FRMPD4: variants seen among roughly 807,000 people sequenced by gnomAD.
FRMPD4 encodes the protein FERM and PDZ domain-containing protein 4.
A neutral mutation model predicts 94.1 loss-of-function variants in FRMPD4; 22 were observed. The ratio of observed to expected loss-of-function variants is 0.23; its 90% CI spans 0.17 to 0.33. The LOEUF is 0.33. Among genes scored for constraint, FRMPD4 ranks in the 10% least tolerant of loss-of-function variants. The pLI is 1.00. For synonymous variants in FRMPD4, 631 were observed against 548.6 expected (o/e 1.15, Z -2.10); for missense variants, 1,111 against 1,339.9 (o/e 0.83, Z 2.67).
At chrX:12,698,192 A>C (rs1379399448) in intron 9 of FRMPD4, among the ~76,000 whole-genome samples, 1 of 112,227 alleles carries the variant, frequency 8.9e-6, no homozygotes, top group Non-Finnish European at 1.9e-5. Flanking sequence ...GACTAGATGA[A>C]TCATGAAAAC....
chrX:12,530,908 G>A (rs2058278710), intron 2 of FRMPD4, among the ~76,000 whole-genome samples: 1 of 111,526 alleles, frequency 9.0e-6, no homozygotes, highest in Non-Finnish European at 1.9e-5. Flanking sequence ...TGAGTCAGTG[G>A]GTGGTTAGAT....
chrX:12,041,975 G>A lies in FRMPD4; in HGVS notation c.95+163957G>A, dbSNP rs6639133. 6.3e-5 allele frequency among the ~76,000 whole-genome samples: 7 copies of A among 111,583 alleles called. No homozygotes were observed. The South Asian group carries it at 1.5e-3, about 24-fold the overall frequency. On this transcript the variant is annotated intron_variant, in intron 3 of 18. Transcript: ENST00000640291. Reference sequence around the variant, plus strand: ...TGGACTTTTCTCCTCTAGAATTTCAGTTTGGATGACTGGGTGTATGGCTCA... The same window carrying A: ...TGGACTTTTCTCCTCTAGAATTTCAATTTGGATGACTGGGTGTATGGCTCA...
At chrX:12,634,158 G>A (rs1345054148) in intron 4 of FRMPD4, among the ~76,000 whole-genome samples, 1 of 112,107 alleles carries the variant, frequency 8.9e-6, no homozygotes, top group African/African-American at 3.2e-5. Context: ...AAAGAACCTG[G>A]AAAACAAAAG....
intron 1 of FRMPD4, among the ~76,000 whole-genome samples, chrX:12,453,083 G>A (rs73192445): frequency 0.12 from 13,409 of 111,924 alleles, 690 homozygotes; most frequent in East Asian, 0.18. Flanking sequence ...TTACTTAGAG[G>A]CAAGTAGTAT....
intron 1 of FRMPD4, among the ~76,000 whole-genome samples, chrX:12,246,808 C>T (rs1292512538): frequency 9.0e-6 from 1 of 110,774 alleles, no homozygotes; most frequent in East Asian, 2.8e-4. Flanking sequence ...ACTCACTTTC[C>T]ATTAACGTGA....
At chrX:12,420,258 A>G (rs1223275643) in intron 1 of FRMPD4, among the ~76,000 whole-genome samples, 1 of 111,729 alleles carries the variant, frequency 9.0e-6, no homozygotes, top group Non-Finnish European at 1.9e-5. Context: ...GCTCTGTGTC[A>G]TCAGTGTCCT....
At chrX:12,549,747 A>C (rs985179631) in intron 2 of FRMPD4, among the ~76,000 whole-genome samples, 6 of 112,391 alleles carry the variant, frequency 5.3e-5, no homozygotes, top group Admixed American at 9.5e-5. Context: ...CTAGTCTAAC[A>C]AAAGCTCTGT....
intron 3 of FRMPD4, among the ~76,000 whole-genome samples, chrX:12,051,200 T>C (rs1453257424): frequency 1.8e-5 from 2 of 112,010 alleles, no homozygotes; most frequent in African/African-American, 6.5e-5. Context: ...TTCAGAATAA[T>C]GCAACTTTAG....
chrX:12,613,604 G>T (rs2059204608), intron 3 of FRMPD4, among the ~76,000 whole-genome samples: 1 of 112,408 alleles, frequency 8.9e-6, no homozygotes, highest in Non-Finnish European at 1.9e-5. Context: ...CCAGCATTTT[G>T]GGAGGCTGAG....
At chrX:11,868,490 G>T (rs2053735795) in intron 2 of FRMPD4, among the ~76,000 whole-genome samples, 1 of 111,471 alleles carries the variant, frequency 9.0e-6, no homozygotes, top group South Asian at 3.8e-4. Context: ...TCTACAAAAT[G>T]TTGGGTCCTG....
chrX:12,529,409 T>C lies in FRMPD4; in HGVS notation c.158+30613T>C, dbSNP rs369592334. ...AATCATAGAAGTGATATCTCCCCAA[T>C]GTTGCCATATTCTGTTAGTTAGAAG... On this transcript the variant is annotated intron_variant, in intron 2 of 16. Transcript: ENST00000675598. 2.0e-3 allele frequency among the ~76,000 whole-genome samples: 230 copies of C among 112,878 alleles called. 8 individuals are homozygous for C. In the South Asian group the frequency reaches 0.083, roughly 41 times the overall value.
intron 3 of FRMPD4, among the ~76,000 whole-genome samples, chrX:11,908,164 C>T (rs893209530): frequency 1.1e-4 from 12 of 111,893 alleles, no homozygotes; most frequent in Non-Finnish European, 3.8e-5. Context: ...CTGACTGCTC[C>T]GTGTGTAGGT....
At chrX:12,167,056 G>A (rs772876869) in intron 1 of FRMPD4, among the ~76,000 whole-genome samples, 42 of 111,418 alleles carry the variant, frequency 3.8e-4, no homozygotes, top group African/African-American at 1.3e-3. Context: ...ATTTCCTTCA[G>A]TTCTGCTCTG....
At chrX:12,230,544 G>A (rs1435871541) in intron 1 of FRMPD4, among the ~76,000 whole-genome samples, 2 of 110,070 alleles carry the variant, frequency 1.8e-5, no homozygotes, top group African/African-American at 6.6e-5. Flanking sequence ...ATAGCAAATT[G>A]AACCTTTCTC....
intron 1 of FRMPD4, among the ~76,000 whole-genome samples, chrX:11,851,568 T>C (rs1297443891): frequency 9.0e-6 from 1 of 111,551 alleles, no homozygotes. Context: ...TAGTTGACAC[T>C]TGGCTTTATC....
chrX:11,966,149 A>G (rs759624660), intron 3 of FRMPD4, among the ~76,000 whole-genome samples: 13 of 111,758 alleles, frequency 1.2e-4, no homozygotes, highest in African/African-American at 4.2e-4. Context: ...CCATGGAAAC[A>G]TATTTGCATC....
chrX:12,436,980 A>C (rs191000998), intron 1 of FRMPD4, among the ~76,000 whole-genome samples: 4 of 112,172 alleles, frequency 3.6e-5, no homozygotes, highest in Non-Finnish European at 7.5e-5. Context: ...CTTTTAGTAC[A>C]TGAGTTTAAC....
intron 1 of FRMPD4, among the ~76,000 whole-genome samples, chrX:11,834,205 T>C (rs181588241): frequency 8.9e-6 from 1 of 111,974 alleles, no homozygotes; most frequent in African/African-American, 3.2e-5. Flanking sequence ...TAAGTTATAT[T>C]TGGCAACCTG....
At position 12,053,418 on chromosome X, in the gene FRMPD4, GAA is replaced by G. The variant is rs1224212545; in HGVS notation, c.95+175402_95+175403del. Among the ~76,000 whole-genome samples, 466 of 89,623 alleles carry G rather than the reference GAA, an allele frequency of 5.2e-3. 5 individuals carry two copies. Among genetic ancestry groups the G allele is most frequent in the East Asian group, 0.025 (65 of 2,631 alleles). 77.8% of individuals were successfully genotyped at this position (89,623 alleles called of 115,157 possible). ...AGAAAGAAAGAAAGAAAGAAAGAAA[GAA>G]AGAAAGAAAGAGAAAGAAAGAAGAG... On this transcript the variant is annotated intron_variant, in intron 3 of 18. Coordinates refer to the FRMPD4 transcript ENST00000640291.
Sources: allele counts gnomAD v4.1 joint callset (sites outside exome capture counted in the v4.1 genomes callset), GRCh38; gene constraint gnomAD v4.1.1; transcripts MANE v1.5; gene names NCBI Gene and HGNC (gene_info 2026-07-23, HGNC 2026-07-21).